The following KCNC2 variants were observed in gnomAD, a reference collection of about 807,000 sequenced individuals.
KCNC2 encodes the protein voltage-gated potassium channel KCNC2.
Under a neutral mutation model 44.5 loss-of-function variants are expected in KCNC2, and 21 were observed. That is an observed-to-expected ratio of 0.47 (90% CI 0.33 to 0.68). KCNC2 has a LOEUF of 0.68. Among genes scored for constraint, KCNC2 ranks in the 30% least tolerant of loss-of-function variants. The probability of loss-of-function intolerance (pLI) is 0.01; values close to 1 mark genes in which losing one functional copy is unlikely to be tolerated. For missense variants in KCNC2, 589 were observed against 826.2 expected, an observed-to-expected ratio of 0.71 and a Z score of 3.52; for synonymous variants, 391 against 339.1, an observed-to-expected ratio of 1.15 and a Z score of -1.68.
chr12:75,088,916 A>G (rs1301136269), intron 2 of KCNC2, among the ~76,000 whole-genome samples: 6 of 151,940 alleles, frequency 3.9e-5, no homozygotes, highest in Non-Finnish European at 1.5e-5. Flanking sequence ...CATCTTAAAC[A>G]GAGGTTCTTG....
At position 75,208,016 on chromosome 12, in the gene KCNC2, A is replaced by G; in HGVS notation, c.-19-14T>C. 1 of 1,609,480 alleles carries G rather than the reference A, an allele frequency of 6.2e-7. No homozygotes were observed. The highest frequency in any genetic ancestry group is 8.5e-7 in the Non-Finnish European group (1 of 1,178,902). ...ACTCAGACATGACTAGGGGGAGGCA[A>G]ACACAGCGCCGAGTTAAAGATCTTA... is the stretch of plus-strand genomic sequence containing the variant. On this transcript the variant is annotated splice_polypyrimidine_tract_variant and intron_variant, in intron 1 of 4. Coordinates refer to ENST00000549446, the MANE Select transcript of KCNC2 (RefSeq NM_139137.4).
intron 2 of KCNC2, among the ~76,000 whole-genome samples, chr12:75,105,053 C>G (rs1318334596): frequency 1.3e-5 from 2 of 151,938 alleles, no homozygotes; most frequent in Admixed American, 1.3e-4. Flanking sequence ...GTAGAGAAGT[C>G]AGACAAAGAC....
chr12:75,164,033 A>G (rs1891290923), intron 2 of KCNC2, among the ~76,000 whole-genome samples: 1 of 151,690 alleles, frequency 6.6e-6, no homozygotes, highest in Non-Finnish European at 1.5e-5. Context: ...TGGTTCCTGG[A>G]TTCAGGAGCT....
intron 4 of KCNC2, 195 bp from the exon 5 acceptor site, chr12:75,043,436 C>G: frequency 2.2e-6 from 3 of 1,340,430 alleles, no homozygotes; most frequent in Non-Finnish European, 2.9e-6. Flanking sequence ...AAAGATTAAA[C>G]CAGCCATCAC....
intron 2 of KCNC2, among the ~76,000 whole-genome samples, chr12:75,082,401 T>C (rs1045426378): frequency 2.0e-5 from 3 of 152,016 alleles, no homozygotes; most frequent in East Asian, 1.9e-4. Context: ...TTGGTGTTGA[T>C]AAAATTCAAA....
At chr12:75,062,764 A>G (rs1219452267) in intron 2 of KCNC2, among the ~76,000 whole-genome samples, 1 of 152,028 alleles carries the variant, frequency 6.6e-6, no homozygotes, top group Non-Finnish European at 1.5e-5. Flanking sequence ...AGACAACAGA[A>G]GGAAAGCTAT....
intron 2 of KCNC2, among the ~76,000 whole-genome samples, chr12:75,133,533 G>A (rs927974115): frequency 5.3e-5 from 8 of 151,540 alleles, no homozygotes; most frequent in African/African-American, 1.9e-4. Flanking sequence ...GGAAAAACTT[G>A]GCAAGTGATT....
At chr12:75,141,681 G>A (rs1889664232) in intron 2 of KCNC2, among the ~76,000 whole-genome samples, 1 of 152,096 alleles carries the variant, frequency 6.6e-6, no homozygotes, top group African/African-American at 2.4e-5. Context: ...TTCCATGTTT[G>A]AGTAATGTTG....
chr12:75,167,123 CA>C (rs1891509260), intron 2 of KCNC2, among the ~76,000 whole-genome samples: 1 of 151,094 alleles, frequency 6.6e-6, no homozygotes, highest in Admixed American at 6.6e-5. Flanking sequence ...CTCAAACAAA[CA>C]AAAAGAATTA....
intron 2 of KCNC2, among the ~76,000 whole-genome samples, chr12:75,088,629 A>T (rs962555603): frequency 1.3e-5 from 2 of 151,968 alleles, no homozygotes; most frequent in African/African-American, 4.8e-5. Flanking sequence ...GTGATAAATT[A>T]TATGGTCACC....
chr12:75,121,491 A>C (rs953496708), intron 2 of KCNC2, among the ~76,000 whole-genome samples: 10 of 152,226 alleles, frequency 6.6e-5, no homozygotes, highest in African/African-American at 2.4e-4. Flanking sequence ...AGCTAGGAAA[A>C]TAAATATAGG....
In KCNC2 at chr12:75,165,244, C is replaced by T. The variant is rs117770027; in HGVS notation, c.687+42053G>A. The stretch of plus-strand genomic sequence containing the variant: ...ACAAATGCATAACTTTATGTAAATA[C>T]ATAAAATGCACAAAAGAGCATTAAA... On this transcript the variant is annotated intron_variant, in intron 2 of 4. Transcript: ENST00000549446. 3.2e-4 allele frequency among the ~76,000 whole-genome samples: 49 copies of T among 151,514 alleles called. No individual in the cohort carries two copies. The East Asian group carries it at 8.6e-3, about 27-fold the overall frequency.
chr12:75,090,031 G>A (rs964691140), intron 2 of KCNC2, among the ~76,000 whole-genome samples: 1 of 151,590 alleles, frequency 6.6e-6, no homozygotes, highest in Admixed American at 6.6e-5. Context: ...CCAATAAGCT[G>A]GATTAGGAAA....
chr12:75,186,921 A>C (rs1892995954), intron 2 of KCNC2, among the ~76,000 whole-genome samples: 1 of 152,200 alleles, frequency 6.6e-6, no homozygotes, highest in Non-Finnish European at 1.5e-5. Flanking sequence ...TTTTACATGG[A>C]AAAGTAAATC....
chr12:75,041,010 C>G lies in KCNC2; in HGVS notation c.*2095G>C, dbSNP rs756690478. 2.1e-6 allele frequency: 2 copies of G among 962,086 alleles called. No individual in the cohort carries two copies. Among genetic ancestry groups the G allele is most frequent in the African/African-American group, 1.6e-5 (1 of 62,408 alleles). The allele number at this position is 962,086 out of a possible 1,614,324, so 59.6% of individuals were successfully genotyped here. A position where few individuals can be genotyped will look rare whatever the true frequency, so the allele number is the denominator to read the frequency against. On this transcript the variant is annotated 3_prime_UTR_variant, in exon 5 of 5. Transcript: ENST00000549446. ...AAGCAGAGCACTCTCATGGGGAGCA[C>G]CAGATGAGTTCCAGCCGCAGTTCTT...
intron 2 of KCNC2, among the ~76,000 whole-genome samples, chr12:75,154,809 A>G (rs1487177143): frequency 2.6e-5 from 4 of 152,038 alleles, no homozygotes; most frequent in African/African-American, 7.2e-5. Flanking sequence ...AACTAAATAC[A>G]CAGCATATAA....
intron 2 of KCNC2, among the ~76,000 whole-genome samples, chr12:75,087,551 G>T (rs531226421): frequency 6.6e-6 from 1 of 152,132 alleles, no homozygotes; most frequent in East Asian, 1.9e-4. Flanking sequence ...TCACTATTTT[G>T]AGAGTCGTGA....
At chr12:75,047,636 T>A (rs1472841883) in intron 4 of KCNC2, among the ~76,000 whole-genome samples, 1 of 152,088 alleles carries the variant, frequency 6.6e-6, no homozygotes, top group Non-Finnish European at 1.5e-5. Flanking sequence ...CACGAGCCTT[T>A]GCAACCTTGA....
chr12:75,185,393 C>A, intron 2 of KCNC2, among the ~76,000 whole-genome samples: 1 of 152,062 alleles, frequency 6.6e-6, no homozygotes, highest in East Asian at 1.9e-4. Flanking sequence ...GGAGGTGGAG[C>A]CTCATAGGAA....
Sources: gnomAD v4.1 joint callset for allele counts (sites outside exome capture counted in the v4.1 genomes callset) on GRCh38, gnomAD v4.1.1 for gene constraint, MANE v1.5 for transcripts, NCBI Gene and HGNC (gene_info 2026-07-23, HGNC 2026-07-21) for gene names.